The following GPHN variants were observed in gnomAD, a reference collection of about 807,000 sequenced individuals.
The protein encoded by GPHN is gephyrin.
Under a neutral mutation model 95.5 loss-of-function variants are expected in GPHN, and 17 were observed. The ratio of observed to expected loss-of-function variants is 0.18; its 90% CI spans 0.12 to 0.27. GPHN has a LOEUF of 0.27. GPHN is among the 10% of genes least tolerant of loss of function. The pLI is 1.00. For missense variants in GPHN, 660 were observed against 978.1 expected, an observed-to-expected ratio of 0.67 and a Z score of 4.34; for synonymous variants, 320 against 322.5, an observed-to-expected ratio of 0.99 and a Z score of 0.08.
chr14:66,905,624 A>C (rs1206084060), intron 5 of GPHN, among the ~76,000 whole-genome samples: 1 of 152,074 alleles, frequency 6.6e-6, no homozygotes, highest in African/African-American at 2.4e-5. Flanking sequence ...GGTTTGTTAC[A>C]TGGGTATATC....
At chr14:66,665,342 T>A (rs1362852397) in intron 1 of GPHN, among the ~76,000 whole-genome samples, 1 of 152,106 alleles carries the variant, frequency 6.6e-6, no homozygotes, top group African/African-American at 2.4e-5. Flanking sequence ...ATTTTTGCAA[T>A]CTACTCATCT....
chr14:66,521,096 C>G (rs1566750347), intron 1 of GPHN, among the ~76,000 whole-genome samples: 1 of 152,160 alleles, frequency 6.6e-6, no homozygotes, highest in East Asian at 1.9e-4. Flanking sequence ...TTTCTTTATC[C>G]AGTTTGCCAT....
intron 11 of GPHN, among the ~76,000 whole-genome samples, chr14:67,063,251 G>A (rs141096775): frequency 2.8e-4 from 43 of 152,250 alleles, no homozygotes; most frequent in Non-Finnish European, 3.8e-4. Flanking sequence ...TAGATGGGTG[G>A]TGTTATTTCT....
chr14:67,653,404 TAAGAG>T, the GPHN span: 4 of 1,601,896 alleles, frequency 2.5e-6, no homozygotes, highest in African/African-American at 5.4e-5. Context: ...GCCACTGAGT[TAAGAG>T]AAATTTCATG....
intron 9 of GPHN, among the ~76,000 whole-genome samples, chr14:66,975,662 T>C (rs2070161791): frequency 1.3e-5 from 2 of 151,388 alleles, no homozygotes; most frequent in African/African-American, 4.9e-5. Context: ...GGAGGATCAC[T>C]GAAGCCCAGG....
At chr14:67,027,017 A>G (rs2073960520) in intron 10 of GPHN, among the ~76,000 whole-genome samples, 1 of 152,186 alleles carries the variant, frequency 6.6e-6, no homozygotes, top group South Asian at 2.1e-4. Flanking sequence ...CCGATTCAAT[A>G]TTGTGCAAAA....
intron 9 of GPHN, among the ~76,000 whole-genome samples, chr14:66,995,948 G>A (rs1038132551): frequency 1.3e-5 from 2 of 148,674 alleles, no homozygotes; most frequent in African/African-American, 2.6e-5. Context: ...CTGAACAGAG[G>A]GAGTCATCTC....
In GPHN at chr14:66,824,524, A is replaced by C. The variant is rs2061323160; in HGVS notation, c.252A>C (p.Thr84=). 6.3e-7 allele frequency: 1 copy of C among 1,593,958 alleles called. No individual in the cohort carries two copies. The highest frequency in any genetic ancestry group is 8.6e-7 in the Non-Finnish European group (1 of 1,161,794). The change falls in exon 4 of 23, where the codon ACA becomes ACC. Residue 84 remains threonine (T), a synonymous_variant. Coordinates refer to ENST00000478722, the MANE Select transcript of GPHN (RefSeq NM_020806.5). ...CDEKELNLIL[T]TGGTGFAPRD... Reference sequence around the variant, plus strand: ...AAAAGGAACTTAATTTGATATTAACAACTGGAGGAACAGGATTTGCACCAC... The same window carrying C: ...AAAAGGAACTTAATTTGATATTAACCACTGGAGGAACAGGATTTGCACCAC...
intron 1 of GPHN, among the ~76,000 whole-genome samples, chr14:66,596,623 A>G (rs904640671): frequency 6.6e-6 from 1 of 152,194 alleles, no homozygotes; most frequent in Admixed American, 6.5e-5. Flanking sequence ...CTTGGCCACA[A>G]CTTTGCTTCA....
At chr14:66,525,995 A>T (rs1370534318) in intron 1 of GPHN, among the ~76,000 whole-genome samples, 1 of 151,520 alleles carries the variant, frequency 6.6e-6, no homozygotes, top group African/African-American at 2.4e-5. Flanking sequence ...TATGAAATTT[A>T]AAGTAGTTTT....
At chr14:67,408,080 A>G in the GPHN span, among the ~76,000 whole-genome samples, 1 of 152,062 alleles carries the variant, frequency 6.6e-6, no homozygotes, top group Admixed American at 6.6e-5. Context: ...TGAGGTTGGG[A>G]GTTCAAGACC....
At chr14:67,565,204 G>A in the GPHN span, among the ~76,000 whole-genome samples, 2 of 151,984 alleles carry the variant, frequency 1.3e-5, no homozygotes, top group African/African-American at 4.8e-5. Context: ...TTAGGTACTT[G>A]CCCAAGGTCA....
intron 1 of GPHN, among the ~76,000 whole-genome samples, chr14:66,679,993 C>A (rs989687913): frequency 6.6e-6 from 1 of 152,096 alleles, no homozygotes; most frequent in African/African-American, 2.4e-5. Flanking sequence ...AATAGAGCAG[C>A]AGAAATTGAA....
At chr14:67,295,301 A>G in the GPHN span, among the ~76,000 whole-genome samples, 1 of 151,912 alleles carries the variant, frequency 6.6e-6, no homozygotes, top group East Asian at 2.0e-4. Context: ...CCTGGCCAAC[A>G]TGGTGAAACC....
At chr14:66,801,685 C>G (rs2153476985) in intron 3 of GPHN, among the ~76,000 whole-genome samples, 1 of 147,452 alleles carries the variant, frequency 6.8e-6, no homozygotes. Flanking sequence ...AGCACAAGCA[C>G]CCTTGTGGCC....
the GPHN span, chr14:67,589,902 C>T: frequency 6.3e-6 from 8 of 1,269,478 alleles, no homozygotes; most frequent in African/African-American, 9.1e-5. Flanking sequence ...CACTATAATA[C>T]ACGGAAATAT....
intron 10 of GPHN, among the ~76,000 whole-genome samples, chr14:67,042,716 C>T (rs953242952): frequency 6.6e-6 from 1 of 152,108 alleles, no homozygotes; most frequent in Admixed American, 6.6e-5. Flanking sequence ...TATGTGGGCT[C>T]TTTTTTGGTT....
At chr14:66,538,702 A>C (rs565382812) in intron 1 of GPHN, among the ~76,000 whole-genome samples, 28 of 150,162 alleles carry the variant, frequency 1.9e-4, no homozygotes, top group Non-Finnish European at 3.0e-4. Flanking sequence ...TGGCTATTTT[A>C]AAGCCATTGT....
At chr14:67,305,957 A>G in the GPHN span, among the ~76,000 whole-genome samples, 6,358 of 152,252 alleles carry the variant, frequency 0.042, 804 homozygotes, top group East Asian at 0.41. Context: ...TGCCACATCT[A>G]TCCCTTTTAA....
Sources: gnomAD v4.1 joint callset for allele counts (sites outside exome capture counted in the v4.1 genomes callset) on GRCh38, gnomAD v4.1.1 for gene constraint, MANE v1.5 for transcripts, NCBI Gene and HGNC (gene_info 2026-07-23, HGNC 2026-07-21) for gene names.